The following MESD variants were observed in gnomAD, a reference collection of about 807,000 sequenced individuals.
MESD encodes the protein LRP chaperone MESD.
Under a neutral mutation model 12.9 loss-of-function variants are expected in MESD, and 7 were observed. The ratio of observed to expected loss-of-function variants is 0.54; its 90% CI spans 0.31 to 1.02. MESD has a LOEUF of 1.02. MESD is among the 50% of genes least tolerant of loss of function. The pLI is 0.05. For missense variants in MESD, 342 were observed against 296.7 expected, an observed-to-expected ratio of 1.15 and a Z score of -1.12; for synonymous variants, 126 against 115.6, an observed-to-expected ratio of 1.09 and a Z score of -0.58.
exon 4 of MESD, chr15:80,952,128 C>A: frequency 2.2e-6 from 1 of 453,206 alleles, no homozygotes. Context: ...GGAAGCCAGG[C>A]AGAAGCAGGA....
chr15:80,969,995 G>A (rs1044359070), intron 3 of MESD, among the ~76,000 whole-genome samples: 15 of 152,242 alleles, frequency 9.9e-5, no homozygotes, highest in African/African-American at 3.6e-4. Flanking sequence ...TGCTTGCTAT[G>A]AGGATGAAGT....
rs1902442852 is a variant in MESD, at chr15:80,977,317, C to CTT, written c.*1901_*1902insAA. 1 of 152,298 alleles carries CTT rather than the reference C, an allele frequency of 6.6e-6. No homozygotes were observed. Among genetic ancestry groups the CTT allele is most frequent in the African/African-American group, 2.4e-5 (1 of 41,456 alleles). 9.4% of individuals were successfully genotyped at this position (152,298 alleles called of 1,614,324 possible). On this transcript the variant is annotated 3_prime_UTR_variant, in exon 3 of 3. Transcript: ENST00000261758. ...AGCTGCCATTTTACTTTGTACATTA[C>CTT]TGACATTTGTCTTCCCCCACCGAAT... is the stretch of plus-strand genomic sequence containing the variant.
chr15:80,973,368 C>A (rs1289330396), downstream of MESD, among the ~76,000 whole-genome samples: 1 of 151,960 alleles, frequency 6.6e-6, no homozygotes, highest in Non-Finnish European at 1.5e-5. Context: ...ACAACAACAA[C>A]AACAACAAAA....
At position 80,989,670 on chromosome 15, in the gene MESD, G is replaced by A. The variant is rs1354983173; in HGVS notation, c.122C>T (p.Pro41Leu). 6.2e-7 allele frequency: 1 copy of A among 1,613,426 alleles called. No individual in the cohort carries two copies. The highest frequency in any genetic ancestry group is 8.5e-7 in the Non-Finnish European group (1 of 1,179,994). ...CCGGGGAGGTGGGGTAGACTCGTCG[G>A]GCGTCCCGGGCGAGCCTTCGGCCGC... Reference protein sequence around the residue: ...SCAAEGSPGTPDESTPPPRKK... With the variant: ...SCAAEGSPGTLDESTPPPRKK... Residue 41 changes from proline (P) to leucine (L), a missense_variant, in exon 1 of 3, where the codon CCC becomes CTC. Pro to Leu is a moderately conservative substitution (Grantham distance 98). Transcript: ENST00000261758.
Position 80,977,341 on chromosome 15 carries a change from A to T in MESD, c.*1878T>A, listed in dbSNP as rs1384364292. 6.6e-6 allele frequency: 1 copy of T among 152,126 alleles called. No individual in the cohort carries two copies. Among genetic ancestry groups the T allele is most frequent in the Non-Finnish European group, 1.5e-5 (1 of 68,058 alleles). The allele number at this position is 152,126 out of a possible 1,614,324, so 9.4% of individuals were successfully genotyped here. A position where few individuals can be genotyped will look rare whatever the true frequency, so the allele number is the denominator to read the frequency against. ...ACTGACATTTGTCTTCCCCCACCGA[A>T]TCATTGAGTTTTACGATAGCAGAGG... On this transcript the variant is annotated 3_prime_UTR_variant, in exon 3 of 3. Transcript: ENST00000261758.
rs115880727 is a variant in MESD at position 80,967,730 on chromosome 15, C to T, written c.*288+11201G>A. ...AACTGCAGCCCTCCTTGGCTGAGAGCTGCCAAGTCTGGGCTTCCAATTCAT... is the reference window on the plus strand; with the variant it reads ...AACTGCAGCCCTCCTTGGCTGAGAGTTGCCAAGTCTGGGCTTCCAATTCAT... On this transcript the variant is annotated intron_variant, in intron 3 of 4. Transcript: ENST00000561312. Among the ~76,000 whole-genome samples, 1,106 of 152,344 alleles carry T rather than the reference C, an allele frequency of 7.3e-3. 17 individuals carry two copies. Among genetic ancestry groups the T allele is most frequent in the African/African-American group, 0.025 (1,059 of 41,566 alleles).
At chr15:80,965,811 G>C (rs1902165307) in intron 3 of MESD, among the ~76,000 whole-genome samples, 1 of 152,170 alleles carries the variant, frequency 6.6e-6, no homozygotes, top group Admixed American at 6.5e-5. Context: ...TGTGGGGTAG[G>C]GGACTGGGGG....
intron 1 of MESD, among the ~76,000 whole-genome samples, chr15:80,986,444 T>G (rs1390829810): frequency 1.3e-5 from 2 of 152,212 alleles, no homozygotes; most frequent in African/African-American, 4.8e-5. Flanking sequence ...ATGATTAATG[T>G]TTAGGAGACA....
intron 3 of MESD, among the ~76,000 whole-genome samples, chr15:80,954,985 T>C (rs981261984): frequency 2.0e-5 from 3 of 152,142 alleles, no homozygotes; most frequent in Non-Finnish European, 4.4e-5. Flanking sequence ...GTGTGGTCCA[T>C]GGGCCAATGG....
chr15:80,974,798 G>C (rs2141803643), downstream of MESD, among the ~76,000 whole-genome samples: 1 of 148,876 alleles, frequency 6.7e-6, no homozygotes, highest in African/African-American at 2.5e-5. Context: ...ATTACTAAAT[G>C]TTAAGTATGA....
chr15:80,979,635 G>A (rs988159647), intron 2 of MESD, among the ~76,000 whole-genome samples, 158 bp from the exon 3 acceptor site: 3 of 152,228 alleles, frequency 2.0e-5, no homozygotes, highest in Admixed American at 6.5e-5. Flanking sequence ...GATATCTCAT[G>A]TATTAAAATA....
At position 80,978,886 on chromosome 15, in the gene MESD, A is replaced by G; in HGVS notation, c.*333T>C. On this transcript the variant is annotated 3_prime_UTR_variant, in exon 3 of 3. Transcript: ENST00000261758. Reference sequence around the variant, plus strand: ...TCAGAGCAGGCCACCCAATCACAGCAGGTGCTTGGAGGGGAGTGGAATCTC... The same window carrying G: ...TCAGAGCAGGCCACCCAATCACAGCGGGTGCTTGGAGGGGAGTGGAATCTC... The G allele has an allele frequency of 3.0e-6, 1 of 338,922 alleles. No homozygotes were observed. Among genetic ancestry groups the G allele is most frequent in the Non-Finnish European group, 5.4e-6 (1 of 184,668 alleles). 21.0% of individuals were successfully genotyped at this position (338,922 alleles called of 1,614,324 possible).
At chr15:80,979,874 C>G (rs1009677421) in intron 2 of MESD, among the ~76,000 whole-genome samples, 4 of 152,142 alleles carry the variant, frequency 2.6e-5, no homozygotes, top group Non-Finnish European at 5.9e-5. Flanking sequence ...TTTTATGGGA[C>G]AAAAGACTTC....
intron 1 of MESD, among the ~76,000 whole-genome samples, chr15:80,984,750 T>C (rs1028698515): frequency 2.6e-5 from 4 of 152,162 alleles, no homozygotes; most frequent in African/African-American, 9.7e-5. Context: ...GGCATGTGAA[T>C]TGAATCTCAA....
chr15:80,986,114 T>C lies in MESD; in HGVS notation c.213+3465A>G, dbSNP rs182894715. ...AGTTACAGAAAAGAAAATTGCAAAA[T>C]AGTACCCTAATGAGCCTGGAGGACA... is the stretch of plus-strand genomic sequence containing the variant. On this transcript the variant is annotated intron_variant, in intron 1 of 2. Transcript: ENST00000261758. 4.5e-3 allele frequency among the ~76,000 whole-genome samples: 675 copies of C among 151,508 alleles called. 6 individuals are homozygous for C. Among genetic ancestry groups the C allele is most frequent in the African/African-American group, 0.015 (612 of 41,296 alleles).
chr15:80,968,831 C>T (rs1383543683), intron 3 of MESD, among the ~76,000 whole-genome samples: 1 of 152,134 alleles, frequency 6.6e-6, no homozygotes, highest in East Asian at 1.9e-4. Flanking sequence ...AAGTCCAACA[C>T]CAGAACTGTG....
intron 3 of MESD, among the ~76,000 whole-genome samples, chr15:80,958,983 T>G (rs1302142015): frequency 6.6e-6 from 1 of 152,218 alleles, no homozygotes; most frequent in African/African-American, 2.4e-5. Flanking sequence ...GAAGGAAATT[T>G]ACAAGAGTCA....
chr15:80,972,699 C>T (rs560796468), downstream of MESD, among the ~76,000 whole-genome samples: 5 of 152,320 alleles, frequency 3.3e-5, no homozygotes, highest in South Asian at 1.0e-3. Flanking sequence ...CACTAAAACG[C>T]TGAACGCAGA....
chr15:80,969,653 G>C (rs947518161), intron 3 of MESD, among the ~76,000 whole-genome samples: 1 of 152,064 alleles, frequency 6.6e-6, no homozygotes, highest in Non-Finnish European at 1.5e-5. Context: ...TCAGGAGCTC[G>C]AGACCACCCT....
Sources: allele counts gnomAD v4.1 joint callset (sites outside exome capture counted in the v4.1 genomes callset), GRCh38; gene constraint gnomAD v4.1.1; transcripts MANE v1.5; gene names NCBI Gene and HGNC (gene_info 2026-07-23, HGNC 2026-07-21).